Variants in EFCAB12 observed in about 807,000 individuals in gnomAD.
EFCAB12 encodes EF-hand calcium-binding domain-containing protein 12.
In EFCAB12, 43 loss-of-function variants were observed where a neutral mutation model predicts 53.6. The ratio of observed to expected loss-of-function variants is 0.80; its 90% CI spans 0.63 to 1.03. EFCAB12 has a LOEUF of 1.03. EFCAB12 is among the 50% of genes least tolerant of loss of function. The probability of loss-of-function intolerance (pLI) is 0.00; values close to 1 mark genes in which losing one functional copy is unlikely to be tolerated. For synonymous variants in EFCAB12, 269 were observed against 289.2 expected (o/e 0.93, Z 0.71); for missense variants, 646 against 730.6 (o/e 0.88, Z 1.34).
intron 4 of EFCAB12, chr3:129,413,694 T>G (rs1405223838): frequency 6.6e-6 from 1 of 152,230 alleles, no homozygotes; most frequent in Non-Finnish European, 1.5e-5. Flanking sequence ...CAGCAGCCCC[T>G]CTCAGGTTTG....
chr3:129,426,374 T>G (rs1308014488), intron 1 of EFCAB12, among the ~76,000 whole-genome samples: 12 of 145,500 alleles, frequency 8.2e-5, no homozygotes, highest in Admixed American at 2.0e-4. Context: ...TTTTTTTTTT[T>G]TTTTTTTTGA....
In EFCAB12 at chr3:129,417,333, A is replaced by AC. The variant is rs1164347054; in HGVS notation, c.681+920_681+921insG. On this transcript the variant is annotated intron_variant, in intron 3 of 8. Transcript: ENST00000505956. ...AGTGAGACTCTGCCTCAAAAAAAAA[A>AC]AAAAAACCAAAAAAAAAAAACCCAA... Among the ~76,000 whole-genome samples the AC allele has an allele frequency of 1.4e-3, 192 of 138,118 alleles. 1 individual carries two copies. Among genetic ancestry groups the AC allele is most frequent in the African/African-American group, 4.6e-3 (157 of 34,208 alleles). 90.6% of individuals were successfully genotyped at this position (138,118 alleles called of 152,430 possible). A position where few individuals can be genotyped will look rare whatever the true frequency, so the allele number is the denominator to read the frequency against.
At position 129,401,868 on chromosome 3, in the gene EFCAB12, C is replaced by T; in HGVS notation, c.1461-17G>A. ...TTCAGCTTCCTGGAAAACAAGAAGA[C>T]ACAGGGATGGTTGTCATGGCAGACA... On this transcript the variant is annotated splice_polypyrimidine_tract_variant and intron_variant, in intron 8 of 8. Coordinates refer to ENST00000505956, the MANE Select transcript of EFCAB12 (RefSeq NM_207307.3). The T allele has an allele frequency of 1.2e-6, 2 of 1,607,124 alleles. No individual in the cohort carries two copies. The highest frequency in any genetic ancestry group is 1.7e-6 in the Non-Finnish European group (2 of 1,175,350).
chr3:129,408,537 G>T, intron 6 of EFCAB12, 108 bp downstream of exon 6: 1 of 1,208,644 alleles, frequency 8.3e-7, no homozygotes, highest in Non-Finnish European at 1.2e-6. Context: ...CCCCACCAGA[G>T]ATTACAGTGG....
At chr3:129,410,307 G>C (rs1421931663) in intron 5 of EFCAB12, among the ~76,000 whole-genome samples, 4 of 149,426 alleles carry the variant, frequency 2.7e-5, no homozygotes, top group African/African-American at 7.6e-5. Flanking sequence ...ACTGCACCTG[G>C]CCTGTATATA....
rs768748187 is a variant in EFCAB12, at chr3:129,408,670, C to T, written c.1224G>A (p.Pro408=). 2.5e-5 allele frequency: 39 copies of T among 1,580,704 alleles called. No individual in the cohort carries two copies. Among genetic ancestry groups the T allele is most frequent in the South Asian group, 6.9e-5 (6 of 86,356 alleles). The stretch of plus-strand genomic sequence containing the variant: ...CTTTCATGAGGATGTCCTCTGTCAG[C>T]GGGAGGCCATAGGACTTACAGAGCT... The part of the protein sequence containing the change: ...CWKLCKSYGL[P]LTEDILMKAL... Residue 408 remains proline (P), a synonymous_variant, in exon 6 of 9, where the codon CCG becomes CCA. Coordinates refer to ENST00000505956, the MANE Select transcript of EFCAB12 (RefSeq NM_207307.3).
intron 2 of EFCAB12, among the ~76,000 whole-genome samples, chr3:129,419,560 G>T (rs2072164387): frequency 6.6e-6 from 1 of 152,210 alleles, no homozygotes. Flanking sequence ...TCATGAATGG[G>T]ATCAGCTAGA....
Position 129,421,949 on chromosome 3 carries a change from G to A in EFCAB12, c.50-146C>T. Reference sequence around the variant, plus strand: ...ATCATTGTCTTGCTGTAATCGTAAGGATAATTTCATCTAATGTTACCGGGT... The same window carrying A: ...ATCATTGTCTTGCTGTAATCGTAAGAATAATTTCATCTAATGTTACCGGGT... On this transcript the variant is annotated intron_variant, in intron 1 of 8. Coordinates refer to ENST00000505956, the MANE Select transcript of EFCAB12 (RefSeq NM_207307.3). The A allele has an allele frequency of 5.8e-6, 5 of 863,540 alleles. No homozygotes were observed. In the South Asian group the frequency reaches 7.5e-5, roughly 13 times the overall value. The allele number at this position is 863,540 out of a possible 1,614,324, so 53.5% of individuals were successfully genotyped here.
At position 129,411,178 on chromosome 3, in the gene EFCAB12, C is replaced by T. The variant is rs2072033605; in HGVS notation, c.1015G>A (p.Glu339Lys). The change falls in exon 5 of 9, where the codon GAG (glutamate) becomes AAG (lysine). Residue 339 changes from glutamate (E) to lysine (K), a missense_variant. Transcript: ENST00000505956. ...EMEEVGKRYR[E>K]RQRQHKLTIP... ...GGTACCTTGTGCTGTCGCTGCCGCT[C>T]GCGGTACCGCTTGCCCACTTCCTCC... 9 of 1,602,064 alleles carry T rather than the reference C, an allele frequency of 5.6e-6. No individual in the cohort carries two copies. The highest frequency in any genetic ancestry group is 2.2e-5 in the East Asian group (1 of 44,460).
At chr3:129,425,225 T>C (rs1275800577) in intron 1 of EFCAB12, among the ~76,000 whole-genome samples, 1 of 152,168 alleles carries the variant, frequency 6.6e-6, no homozygotes, top group Non-Finnish European at 1.5e-5. Flanking sequence ...CCCCAATCCA[T>C]GTTCTGCCCT....
intron 6 of EFCAB12, among the ~76,000 whole-genome samples, chr3:129,407,376 T>G (rs1434869276): frequency 6.6e-6 from 1 of 152,200 alleles, no homozygotes; most frequent in South Asian, 2.1e-4. Flanking sequence ...CCCTATAAAT[T>G]TAGCGCTTGT....
rs2071922607 is a variant in EFCAB12, at chr3:129,404,519, TTTC to T, written c.1250-119_1250-117del. ...TTTTTAATTCACATTTTTAAGACGT[TTTC>T]TTCTTATCTATATAGTAACTTTTTA... is the stretch of plus-strand genomic sequence containing the variant. On this transcript the variant is annotated intron_variant, in intron 6 of 8. Coordinates refer to ENST00000505956, the MANE Select transcript of EFCAB12 (RefSeq NM_207307.3). 4 of 1,217,114 alleles carry T rather than the reference TTTC, an allele frequency of 3.3e-6. No homozygotes were observed. In the South Asian group the frequency reaches 6.3e-5, roughly 19 times the overall value. The allele number at this position is 1,217,114 out of a possible 1,614,324, so 75.4% of individuals were successfully genotyped here. A position where few individuals can be genotyped will look rare whatever the true frequency, so the allele number is the denominator to read the frequency against.
Position 129,404,234 on chromosome 3 carries a change from G to A in EFCAB12, c.1403+16C>T, listed in dbSNP as rs374768631. 8.1e-5 allele frequency: 131 copies of A among 1,608,988 alleles called. No individual in the cohort carries two copies. The highest frequency in any genetic ancestry group is 1.0e-4 in the Non-Finnish European group (122 of 1,177,102). Reference sequence around the variant, plus strand: ...CAGGAGGCCAAGGCAGGGAGAAAGGGGGTCCGAAACTCAGCTTGTCAGTCC... The same window carrying A: ...CAGGAGGCCAAGGCAGGGAGAAAGGAGGTCCGAAACTCAGCTTGTCAGTCC... On this transcript the variant is annotated intron_variant, in intron 7 of 8. Coordinates refer to ENST00000505956, the MANE Select transcript of EFCAB12 (RefSeq NM_207307.3).
rs372083283 is a variant in EFCAB12 at position 129,401,640 on chromosome 3, T to C, written c.1672A>G (p.Met558Val). 34 of 1,581,024 alleles carry C rather than the reference T, an allele frequency of 2.2e-5. No individual in the cohort carries two copies. In the South Asian group the frequency reaches 3.4e-4, roughly 16 times the overall value. ...HWWPLRNKNY[M>V]THAHYDAAKV... Reference sequence around the variant, plus strand: ...GCGGCATCATAATGGGCGTGGGTCATGTAGTTCTTGTTCCTAAGGGGCCAC... The same window carrying C: ...GCGGCATCATAATGGGCGTGGGTCACGTAGTTCTTGTTCCTAAGGGGCCAC... Residue 558 changes from methionine (M) to valine (V), a missense_variant, in exon 9 of 9, where the codon ATG becomes GTG. Met to Val is a conservative substitution (Grantham distance 21). Transcript: ENST00000505956.
At chr3:129,428,205 C>A (rs1182621040) in intron 1 of EFCAB12, among the ~76,000 whole-genome samples, 5 of 152,194 alleles carry the variant, frequency 3.3e-5, no homozygotes, top group Non-Finnish European at 1.5e-5. Context: ...TAATGTCCTG[C>A]AGAGAAACAG....
chr3:129,401,728 CG>C lies in EFCAB12; in HGVS notation c.1583del (p.Ala528GlyfsTer31). On this transcript the variant is annotated frameshift_variant, in exon 9 of 9. Transcript: ENST00000505956. LOFTEE classifies it low-confidence loss of function (END_TRUNC). ...GCTGGTGTTGAACACAACTGAAGAGCGCCAGGCTCCGGTCTGTGGCCACAGT... is the reference window on the plus strand; with the variant it reads ...GCTGGTGTTGAACACAACTGAAGAGCCCAGGCTCCGGTCTGTGGCCACAGT... ...LPTVATDRSLALFSCVQHQPH... is the reference protein window; with the variant it reads ...LPTVATDRSLXLFSCVQHQPH... 6.3e-7 allele frequency: 1 copy of C among 1,599,354 alleles called. No homozygotes were observed. Among genetic ancestry groups the C allele is most frequent in the African/African-American group, 1.3e-5 (1 of 74,824 alleles).
intron 1 of EFCAB12, among the ~76,000 whole-genome samples, chr3:129,423,125 G>C (rs1158439415): frequency 6.6e-6 from 1 of 152,232 alleles, no homozygotes; most frequent in Non-Finnish European, 1.5e-5. Flanking sequence ...AGGTCACTCA[G>C]TTGATTAGTA....
chr3:129,424,590 T>C (rs1417271104), intron 1 of EFCAB12, among the ~76,000 whole-genome samples: 1 of 152,220 alleles, frequency 6.6e-6, no homozygotes, highest in Non-Finnish European at 1.5e-5. Flanking sequence ...ATAAATTACC[T>C]AGTCTCAGGT....
chr3:129,417,554 T>C (rs1165882195), intron 3 of EFCAB12, among the ~76,000 whole-genome samples: 2 of 152,150 alleles, frequency 1.3e-5, no homozygotes, highest in African/African-American at 4.8e-5. Context: ...AGGCTGGACT[T>C]GTCTCTTGAG....
Sources: gnomAD v4.1 joint callset for allele counts (sites outside exome capture counted in the v4.1 genomes callset) on GRCh38, gnomAD v4.1.1 for gene constraint, MANE v1.5 for transcripts, NCBI Gene and HGNC (gene_info 2026-07-23, HGNC 2026-07-21) for gene names.